Variants in ROS1 observed in about 807,000 individuals in gnomAD.
The protein encoded by ROS1 is ROS proto-oncogene 1, receptor tyrosine kinase.
In ROS1, 263 loss-of-function variants were observed where a neutral mutation model predicts 273.5. The observed-to-expected ratio is 0.96, with a 90% CI of 0.87 to 1.06. ROS1 has a LOEUF of 1.06. Ranked by LOEUF, ROS1 falls within the 50% of genes least tolerant of loss-of-function variation. The probability of loss-of-function intolerance (pLI) is 0.00; values close to 1 mark genes in which losing one functional copy is unlikely to be tolerated. For synonymous variants in ROS1, 1,008 were observed against 954.1 expected (o/e 1.06, Z -1.04); for missense variants, 2,833 against 2,751.1 (o/e 1.03, Z -0.67).
chr6:117,381,448 T>C (rs1042484822), intron 17 of ROS1, among the ~76,000 whole-genome samples: 1 of 152,078 alleles, frequency 6.6e-6, no homozygotes, highest in African/African-American at 2.4e-5. Context: ...TGCTTTTGCA[T>C]ACCCATGGCT....
At chr6:117,409,734 T>G in intron 4 of ROS1, 92 bp from the exon 5 acceptor site, 1 of 903,310 alleles carries the variant, frequency 1.1e-6, no homozygotes, top group Non-Finnish European at 1.8e-6. Context: ...GAATGCCTAA[T>G]ATGCAAGTAT....
At position 117,321,354 on chromosome 6, in the gene ROS1, T is replaced by A. The variant is rs1562269193; in HGVS notation, c.5664A>T (p.Glu1888Asp). Residue 1888 changes from glutamate to aspartate, a missense_variant, in exon 36 of 44, where the codon GAA (glutamate) becomes GAT (aspartate). Transcript: ENST00000368507. ...RRLKNQKSAK[E>D]GVTVLINEDK... The stretch of plus-strand genomic sequence containing the variant: ...CTTCGTTTATAAGCACTGTCACCCC[T>A]TCCTTGGCACTTTTTTGATTCTTTA... 6.2e-7 allele frequency: 1 copy of A among 1,613,292 alleles called. No individual in the cohort carries two copies. The highest frequency in any genetic ancestry group is 8.5e-7 in the Non-Finnish European group (1 of 1,179,666).
chr6:117,320,149 T>C (rs1776191538), intron 36 of ROS1, 119 bp from the exon 37 acceptor site: 2 of 885,110 alleles, frequency 2.3e-6, no homozygotes, highest in Non-Finnish European at 3.4e-6. Context: ...TTTGCAGTAT[T>C]GTGTGTTTTA....
rs943318875 is a variant in ROS1, at chr6:117,406,616, A to T, written c.317-2188T>A. Among the ~76,000 whole-genome samples, 4 of 152,338 alleles carry T rather than the reference A, an allele frequency of 2.6e-5. No homozygotes were observed. The East Asian group carries it at 7.7e-4, about 29-fold the overall frequency. On this transcript the variant is annotated intron_variant, in intron 5 of 43. Transcript: ENST00000368507. ...TATAATAAAGGAATGTAAATAAAAG[A>T]TTCCACACTTCCTCAGTTCTGGTGT...
chr6:117,389,415 G>A lies in ROS1; in HGVS notation c.1721C>T (p.Ser574Leu), dbSNP rs142303126. Reference protein sequence around the residue: ...HPLPGRPQELSVLFGSHQALV... With the variant: ...HPLPGRPQELLVLFGSHQALV... The stretch of plus-strand genomic sequence containing the variant: ...AGCCTGGTGAGAGCCAAACAGCACC[G>A]AAAGCTCCTGCGGGCGGCCTGGCAG... The change falls in exon 13 of 44, where the codon TCG (serine) becomes TTG (leucine). Residue 574 changes from serine (S) to leucine (L), a missense_variant. Ser to Leu is a moderately radical substitution (Grantham distance 145). Transcript: ENST00000368507. 4.1e-4 allele frequency: 654 copies of A among 1,614,034 alleles called. No individual in the cohort carries two copies. The highest frequency in any genetic ancestry group is 5.2e-4 in the Non-Finnish European group (610 of 1,180,042).
chr6:117,384,308 T>G (rs1194037842), intron 16 of ROS1, among the ~76,000 whole-genome samples: 1 of 152,192 alleles, frequency 6.6e-6, no homozygotes, highest in Non-Finnish European at 1.5e-5. Flanking sequence ...GTATTTTATC[T>G]CCTCAGAAGA....
chr6:117,380,800 T>C (rs1416045805), intron 17 of ROS1, among the ~76,000 whole-genome samples: 1 of 152,124 alleles, frequency 6.6e-6, no homozygotes, highest in Non-Finnish European at 1.5e-5. Flanking sequence ...ATTTTAATTC[T>C]GTGGTAAAAT....
chr6:117,318,091 C>T, intron 38 of ROS1, 97 bp downstream of exon 38: 2 of 854,006 alleles, frequency 2.3e-6, no homozygotes, highest in African/African-American at 1.7e-5. Context: ...TTGTTTTAGT[C>T]ATGATCCGTT....
rs1287908780 is a variant in ROS1 at position 117,387,842 on chromosome 6, G to T, written c.1937C>A (p.Ala646Glu). 4 of 1,614,170 alleles carry T rather than the reference G, an allele frequency of 2.5e-6. No individual in the cohort carries two copies. Among genetic ancestry groups the T allele is most frequent in the Non-Finnish European group, 3.4e-6 (4 of 1,180,008 alleles). The part of the protein sequence containing the change: ...SAMKYKVSVR[A>E]SSPKRPGPWS... ...GGGGCCTGGCCTCTTTGGAGAACTTGCTCTCACAGAAACCTTGTATTTCAT... is the reference window on the plus strand; with the variant it reads ...GGGGCCTGGCCTCTTTGGAGAACTTTCTCTCACAGAAACCTTGTATTTCAT... The change falls in exon 14 of 44, where the codon GCA (alanine) becomes GAA (glutamate). Residue 646 changes from alanine (A) to glutamate (E), a missense_variant. Transcript: ENST00000368507.
intron 1 of ROS1, among the ~76,000 whole-genome samples, chr6:117,421,037 C>T (rs116154504): frequency 0.12 from 18,881 of 151,620 alleles, 1,278 homozygotes; most frequent in African/African-American, 0.16. Context: ...TGTACCTTTT[C>T]CCAACTATAA....
At chr6:117,298,948 T>C (rs1774461220) in intron 43 of ROS1, among the ~76,000 whole-genome samples, 1 of 152,170 alleles carries the variant, frequency 6.6e-6, no homozygotes, top group African/African-American at 2.4e-5. Context: ...GTACCTAGAA[T>C]GGCTTAAGGG....
At chr6:117,375,888 T>G (rs1310554347) in intron 18 of ROS1, among the ~76,000 whole-genome samples, 2 of 152,136 alleles carry the variant, frequency 1.3e-5, no homozygotes, top group Non-Finnish European at 2.9e-5. Context: ...ATACCAAAAT[T>G]TGTTGAATAC....
chr6:117,365,777 A>T, intron 19 of ROS1, 36 bp from the exon 20 acceptor site: 1 of 1,451,806 alleles, frequency 6.9e-7, no homozygotes. Flanking sequence ...ATAGGAGAAA[A>T]AAATGGGGAT....
At chr6:117,316,743 G>T (rs1385106242) in intron 39 of ROS1, among the ~76,000 whole-genome samples, 2 of 152,072 alleles carry the variant, frequency 1.3e-5, no homozygotes, top group Non-Finnish European at 2.9e-5. Flanking sequence ...AATCCAAAAA[G>T]ATATGTCAAC....
At chr6:117,387,145 G>A in intron 14 of ROS1, 146 bp from the exon 15 acceptor site, 1 of 495,746 alleles carries the variant, frequency 2.0e-6, no homozygotes, top group Non-Finnish European at 3.6e-6. Context: ...TCTATAAAAG[G>A]ATATGAGTAA....
rs183224255 is a variant in ROS1, at chr6:117,377,204, C to T, written c.2582+1855G>A. 3.4e-4 allele frequency among the ~76,000 whole-genome samples: 51 copies of T among 152,210 alleles called. No individual in the cohort carries two copies. In the East Asian group the frequency reaches 6.2e-3, roughly 18 times the overall value. On this transcript the variant is annotated intron_variant, in intron 18 of 43. Transcript: ENST00000368507. ...CAGCTCACTGTAACCTCTGCCTCCC[C>T]GGTTCAATTGATTCTCATGCCTCAG...
At chr6:117,423,701 A>T (rs10046392) in intron 1 of ROS1, among the ~76,000 whole-genome samples, 1 of 150,840 alleles carries the variant, frequency 6.6e-6, no homozygotes, top group African/African-American at 2.5e-5. Flanking sequence ...TCTTGTGGTG[A>T]CTTTTTTTTT....
At chr6:117,330,143 C>G (rs374861296) in intron 32 of ROS1, among the ~76,000 whole-genome samples, 1 of 152,226 alleles carries the variant, frequency 6.6e-6, no homozygotes, top group African/African-American at 2.4e-5. Context: ...CGGGAGCCAG[C>G]GAGGCTGGAC....
intron 32 of ROS1, among the ~76,000 whole-genome samples, chr6:117,333,212 T>C (rs1413726036): frequency 4.6e-5 from 7 of 152,030 alleles, no homozygotes; most frequent in African/African-American, 7.2e-5. Context: ...CAGATAATAC[T>C]ATAAACTCTT....
Sources: gnomAD v4.1 joint callset for allele counts (sites outside exome capture counted in the v4.1 genomes callset) on GRCh38, gnomAD v4.1.1 for gene constraint, MANE v1.5 for transcripts, NCBI Gene and HGNC (gene_info 2026-07-23, HGNC 2026-07-21) for gene names.